Variants in FGF10 observed in about 807,000 individuals in gnomAD.
The protein encoded by FGF10 is FGF-10.
FGF10 carries 2 observed loss-of-function variants against 19.8 expected under a neutral mutation model. The observed-to-expected ratio is 0.10, with a 90% CI of 0.04 to 0.32. The LOEUF (loss-of-function observed/expected upper bound fraction) is 0.32, where lower values mean the gene tolerates loss of function less well. Among genes scored for constraint, FGF10 ranks in the 10% least tolerant of loss-of-function variants. The pLI is 1.00. For synonymous variants in FGF10, 112 were observed against 94.0 expected (o/e 1.19, Z -1.10); for missense variants, 191 against 246.3 (o/e 0.78, Z 1.50).
At chr5:44,349,198 T>C (rs984970258) in intron 1 of FGF10, among the ~76,000 whole-genome samples, 48 of 150,776 alleles carry the variant, frequency 3.2e-4, no homozygotes, top group African/African-American at 1.1e-3. Context: ...CATAGGCACT[T>C]GTCTCTATAA....
At position 44,388,727 on chromosome 5, in the gene FGF10, C is replaced by T; in HGVS notation, c.-45G>A. On this transcript the variant is annotated 5_prime_UTR_variant, in exon 1 of 3. It removes an upstream start codon present in the reference 5' UTR. Coordinates refer to ENST00000264664, the MANE Select transcript of FGF10 (RefSeq NM_004465.2). ...CTGGAAATTGTCTCATCAGAAGGAA[C>T]ATACTGGAAGGGTAAGACCCGATGC... is the stretch of plus-strand genomic sequence containing the variant. The T allele has an allele frequency of 1.2e-6, 2 of 1,600,518 alleles. No homozygotes were observed. Among genetic ancestry groups the T allele is most frequent in the Non-Finnish European group, 1.7e-6 (2 of 1,168,404 alleles).
chr5:44,307,921 G>T (rs1001165064), intron 2 of FGF10, among the ~76,000 whole-genome samples: 1 of 152,212 alleles, frequency 6.6e-6, no homozygotes, highest in Non-Finnish European at 1.5e-5. Flanking sequence ...GAAGTGGAAA[G>T]TATGTTCTGT....
intron 1 of FGF10, among the ~76,000 whole-genome samples, chr5:44,378,844 G>A (rs1490563208): frequency 1.3e-5 from 2 of 152,086 alleles, no homozygotes; most frequent in East Asian, 3.9e-4. Context: ...CTTTCCTGAT[G>A]TTTCCCCTTG....
intron 1 of FGF10, among the ~76,000 whole-genome samples, chr5:44,316,052 C>A (rs1386676177): frequency 2.0e-5 from 3 of 152,188 alleles, no homozygotes; most frequent in African/African-American, 7.2e-5. Context: ...CCATCACTAG[C>A]ATTACTGCCT....
chr5:44,373,024 T>C (rs907904022), intron 1 of FGF10, among the ~76,000 whole-genome samples: 1 of 152,234 alleles, frequency 6.6e-6, no homozygotes, highest in Admixed American at 6.5e-5. Flanking sequence ...TCAACTTGCC[T>C]GTAGAATTTT....
intron 1 of FGF10, among the ~76,000 whole-genome samples, chr5:44,357,039 T>C (rs1412394151): frequency 6.6e-6 from 1 of 151,276 alleles, no homozygotes; most frequent in African/African-American, 2.4e-5. Flanking sequence ...AAAAAGATTA[T>C]TACAAAAAAA....
At chr5:44,320,316 A>G (rs1193699416) in intron 1 of FGF10, among the ~76,000 whole-genome samples, 1 of 152,128 alleles carries the variant, frequency 6.6e-6, no homozygotes, top group African/African-American at 2.4e-5. Flanking sequence ...TGGCCCATCC[A>G]TTATTGTATT....
intron 1 of FGF10, among the ~76,000 whole-genome samples, chr5:44,320,552 G>T (rs12518330): frequency 0.013 from 2,025 of 152,212 alleles, 90 homozygotes; most frequent in East Asian, 0.12. Context: ...TAAATTATGG[G>T]TTCACTGCAA....
intron 1 of FGF10, among the ~76,000 whole-genome samples, chr5:44,344,544 T>C (rs1741039860): frequency 1.4e-5 from 2 of 148,128 alleles, no homozygotes; most frequent in African/African-American, 2.5e-5. Context: ...TTACCAAAAT[T>C]AGGGTTTTAC....
intron 1 of FGF10, among the ~76,000 whole-genome samples, chr5:44,368,680 TG>T (rs1476760102): frequency 2.0e-5 from 3 of 152,136 alleles, no homozygotes; most frequent in African/African-American, 7.2e-5. Flanking sequence ...TTTGTTGTTT[TG>T]TTTTTTTGAG....
At chr5:44,346,774 C>T (rs572747752) in intron 1 of FGF10, among the ~76,000 whole-genome samples, 3 of 151,758 alleles carry the variant, frequency 2.0e-5, no homozygotes, top group South Asian at 4.2e-4. Flanking sequence ...TTATGCTATC[C>T]AATATGTGAG....
chr5:44,332,073 A>G (rs1334131461), intron 1 of FGF10, among the ~76,000 whole-genome samples: 1 of 152,180 alleles, frequency 6.6e-6, no homozygotes, highest in Admixed American at 6.5e-5. Context: ...AAGCACAAGT[A>G]TGAACCCCAG....
chr5:44,331,467 T>C (rs778714444), intron 1 of FGF10, among the ~76,000 whole-genome samples: 2 of 152,174 alleles, frequency 1.3e-5, no homozygotes, highest in African/African-American at 2.4e-5. Flanking sequence ...GTGCCTTTAA[T>C]TGGAGATTGC....
At position 44,389,294 on chromosome 5, in the gene FGF10, T is replaced by G. The variant is rs2111943483; in HGVS notation, c.-612A>C. On this transcript the variant is annotated 5_prime_UTR_variant, in exon 1 of 3. Coordinates refer to ENST00000264664, the MANE Select transcript of FGF10 (RefSeq NM_004465.2). ...CTGTTTTTAGTGGTGCCTGCCGATT[T>G]GAAGGCTGCCGAAAGTCACTTTTTG... 6.3e-6 allele frequency: 1 copy of G among 157,632 alleles called. No individual in the cohort carries two copies. The highest frequency in any genetic ancestry group is 1.4e-5 in the Non-Finnish European group (1 of 71,284). 9.8% of individuals were successfully genotyped at this position (157,632 alleles called of 1,614,324 possible).
intron 1 of FGF10, among the ~76,000 whole-genome samples, chr5:44,312,167 T>A (rs1740227567): frequency 6.6e-6 from 1 of 150,840 alleles, no homozygotes; most frequent in African/African-American, 2.4e-5. Flanking sequence ...TTACATCCAT[T>A]TCCCTTATGC....
rs969545488 is a variant in FGF10 at position 44,303,158 on chromosome 5, C to T, written c.*1837G>A. On this transcript the variant is annotated 3_prime_UTR_variant, in exon 3 of 3. Transcript: ENST00000264664. ...AACTATAAGCCAAAAGACAGTGCCT[C>T]AAATGTGTTTCTTCTGAAATACAGT... Among the ~76,000 whole-genome samples, 1 of 152,042 alleles carries T rather than the reference C, an allele frequency of 6.6e-6. No homozygotes were observed. The highest frequency in any genetic ancestry group is 1.5e-5 in the Non-Finnish European group (1 of 67,996).
chr5:44,305,157 C>T lies in FGF10; in HGVS notation c.465G>A (p.Arg155=), dbSNP rs538064911. Reference sequence around the variant, plus strand: ...AGGTATTGTATCCATTTTCCTCTATCCTCTCCTTCAGCTTACAGTCATTGT... The same window carrying T: ...AGGTATTGTATCCATTTTCCTCTATTCTCTCCTTCAGCTTACAGTCATTGT... ...EFNNDCKLKE[R]IEENGYNTYA... Residue 155 remains arginine, a synonymous_variant, in exon 3 of 3, where the codon AGG becomes AGA. Coordinates refer to ENST00000264664, the MANE Select transcript of FGF10 (RefSeq NM_004465.2). The T allele has an allele frequency of 5.6e-6, 9 of 1,613,884 alleles. No homozygotes were observed. In the African/African-American group the frequency reaches 6.7e-5, roughly 12 times the overall value.
chr5:44,372,886 C>T (rs892050433), intron 1 of FGF10, among the ~76,000 whole-genome samples: 3 of 152,210 alleles, frequency 2.0e-5, no homozygotes, highest in African/African-American at 4.8e-5. Context: ...ACTTGAGGGT[C>T]CTGCCTCAGG....
chr5:44,305,105 C>G lies in FGF10; in HGVS notation c.517G>C (p.Gly173Arg), dbSNP rs1740046135. 1 of 1,613,972 alleles carries G rather than the reference C, an allele frequency of 6.2e-7. No homozygotes were observed. Among genetic ancestry groups the G allele is most frequent in the African/African-American group, 1.3e-5 (1 of 75,038 alleles). The stretch of plus-strand genomic sequence containing the variant: ...TTCAATGCCACATACATTTGCCTCC[C>G]ATTATGCTGCCAGTTAAATGATGCA... ...TYASFNWQHN[G>R]RQMYVALNGK... is the part of the protein sequence containing the mutation. The change falls in exon 3 of 3, where the codon GGG (glycine) becomes CGG (arginine). Residue 173 changes from glycine to arginine, a missense_variant. Physicochemically the swap from Gly to Arg is moderately radical, Grantham distance 125. Coordinates refer to ENST00000264664, the MANE Select transcript of FGF10 (RefSeq NM_004465.2).
Sources: allele counts gnomAD v4.1 joint callset (sites outside exome capture counted in the v4.1 genomes callset), GRCh38; gene constraint gnomAD v4.1.1; transcripts MANE v1.5; gene names NCBI Gene and HGNC (gene_info 2026-07-23, HGNC 2026-07-21).